Variants in CNBD1 observed in about 807,000 individuals in gnomAD.
CNBD1 encodes cyclic nucleotide binding domain containing 1.
In CNBD1, 71 loss-of-function variants were observed where a neutral mutation model predicts 54.4. That is an observed-to-expected ratio of 1.30 (90% confidence interval 1.08 to 1.59). CNBD1 has a LOEUF of 1.59. Among genes scored for constraint, CNBD1 ranks in the 40% most tolerant of loss-of-function variants. CNBD1 has a pLI of 0.00. For synonymous variants in CNBD1, 182 were observed against 170.7 expected (o/e 1.07, Z -0.51); for missense variants, 659 against 518.0 (o/e 1.27, Z -2.64).
At chr8:87,219,712 C>G (rs1041026489) in intron 5 of CNBD1, among the ~76,000 whole-genome samples, 1 of 151,950 alleles carries the variant, frequency 6.6e-6, no homozygotes, top group Non-Finnish European at 1.5e-5. Flanking sequence ...AGTTTCTAAA[C>G]TGTTCAATAT....
chr8:87,231,504 T>G (rs1248998949), intron 5 of CNBD1, among the ~76,000 whole-genome samples: 1 of 152,180 alleles, frequency 6.6e-6, no homozygotes, highest in Admixed American at 6.5e-5. Context: ...TTTCCTCAGT[T>G]GTAAAGTTGA....
intron 4 of CNBD1, among the ~76,000 whole-genome samples, chr8:86,954,919 G>A: frequency 6.6e-6 from 1 of 151,920 alleles, no homozygotes; most frequent in Non-Finnish European, 1.5e-5. Context: ...GTGCCATGTT[G>A]GTGTGCTGCA....
At chr8:87,401,788 G>C (rs1412065125) in intron 2 of CNBD1, among the ~76,000 whole-genome samples, 1 of 151,936 alleles carries the variant, frequency 6.6e-6, no homozygotes, top group East Asian at 1.9e-4. Flanking sequence ...CATAAATATT[G>C]AGTTCCTGAT....
At chr8:87,270,921 G>A (rs1449583528) in intron 6 of CNBD1, among the ~76,000 whole-genome samples, 2 of 151,604 alleles carry the variant, frequency 1.3e-5, no homozygotes. Context: ...TTTGATGGAG[G>A]ACTTTTTATT....
At chr8:87,346,458 T>A (rs1252369668) in intron 8 of CNBD1, among the ~76,000 whole-genome samples, 2 of 152,030 alleles carry the variant, frequency 1.3e-5, no homozygotes, top group African/African-American at 2.4e-5. Context: ...TGGTTATTTT[T>A]TGTAATCCAA....
chr8:86,973,148 T>A (rs1239574293), intron 4 of CNBD1, among the ~76,000 whole-genome samples: 2 of 152,172 alleles, frequency 1.3e-5, no homozygotes, highest in African/African-American at 4.8e-5. Flanking sequence ...ACTCTAGAAT[T>A]GTATTCTGAC....
rs143262270 is a variant in CNBD1, at chr8:87,333,086, A to G, written c.1043-18599A>G. 8.7e-3 allele frequency among the ~76,000 whole-genome samples: 1,328 copies of G among 152,188 alleles called. 18 individuals carry two copies. Among genetic ancestry groups the G allele is most frequent in the African/African-American group, 0.029 (1,211 of 41,540 alleles). The stretch of plus-strand genomic sequence containing the variant: ...GTAGTTCTCCTTGAAGAGGTTCTTC[A>G]TGTCCCTTGTTAGATGTATCTCTAG... On this transcript the variant is annotated intron_variant, in intron 8 of 10. Transcript: ENST00000518476.
intron 4 of CNBD1, among the ~76,000 whole-genome samples, chr8:87,062,684 G>A (rs1398452548): frequency 2.6e-5 from 4 of 151,538 alleles, no homozygotes; most frequent in Non-Finnish European, 4.4e-5. Flanking sequence ...ATTGCGGTGA[G>A]CCAAGATCAC....
chr8:87,324,243 A>G lies in CNBD1; in HGVS notation c.1043-27442A>G, dbSNP rs989140588. On this transcript the variant is annotated intron_variant, in intron 8 of 10. Transcript: ENST00000518476. ...AGGATTTTTGCATCAATGTTCATCAAGGATATTGATCTAAAATTCTCTTTT... is the reference window on the plus strand; with the variant it reads ...AGGATTTTTGCATCAATGTTCATCAGGGATATTGATCTAAAATTCTCTTTT... Among the ~76,000 whole-genome samples the G allele has an allele frequency of 3.2e-5, 4 of 126,930 alleles. 1 individual carries two copies. The highest frequency in any genetic ancestry group is 5.9e-5 in the African/African-American group (2 of 34,036). 83.3% of individuals were successfully genotyped at this position (126,930 alleles called of 152,430 possible).
intron 6 of CNBD1, among the ~76,000 whole-genome samples, chr8:87,265,286 G>C (rs887320515): frequency 3.3e-5 from 5 of 151,968 alleles, no homozygotes; most frequent in Non-Finnish European, 7.4e-5. Flanking sequence ...GTTTTTCTCA[G>C]GTTTGTCAAA....
chr8:87,180,593 A>G (rs1395858215), intron 4 of CNBD1, among the ~76,000 whole-genome samples: 1 of 152,198 alleles, frequency 6.6e-6, no homozygotes, highest in Non-Finnish European at 1.5e-5. Flanking sequence ...TATTTTTGTT[A>G]TATATTAAAG....
intron 4 of CNBD1, among the ~76,000 whole-genome samples, chr8:87,079,136 T>C (rs1041767514): frequency 1.3e-5 from 2 of 152,044 alleles, no homozygotes; most frequent in African/African-American, 4.8e-5. Flanking sequence ...CAGTGTCTAG[T>C]TTTTTTCACT....
At chr8:87,376,189 T>G (rs189080955) in intron 10 of CNBD1, among the ~76,000 whole-genome samples, 1 of 151,914 alleles carries the variant, frequency 6.6e-6, no homozygotes, top group South Asian at 2.1e-4. Flanking sequence ...GCTGGGTGGC[T>G]TAAACAACAA....
chr8:87,266,492 C>T (rs1456941031), intron 6 of CNBD1, among the ~76,000 whole-genome samples: 1 of 116,958 alleles, frequency 8.6e-6, no homozygotes, highest in Non-Finnish European at 1.7e-5. Flanking sequence ...GCTCTTGCTG[C>T]CCAGGCTGCA....
chr8:87,035,861 T>C (rs1809927939), intron 4 of CNBD1, among the ~76,000 whole-genome samples: 2 of 152,164 alleles, frequency 1.3e-5, no homozygotes, highest in Admixed American at 1.3e-4. Flanking sequence ...TGTTACCTTA[T>C]AGACCAAGTG....
intron 10 of CNBD1, among the ~76,000 whole-genome samples, chr8:87,360,098 T>C (rs1810497409): frequency 6.6e-6 from 1 of 151,998 alleles, no homozygotes; most frequent in Non-Finnish European, 1.5e-5. Context: ...TCAGTTCATC[T>C]TGAATGAATC....
At chr8:87,235,139 G>T (rs1383129870) in intron 5 of CNBD1, among the ~76,000 whole-genome samples, 1 of 152,244 alleles carries the variant, frequency 6.6e-6, no homozygotes, top group African/African-American at 2.4e-5. Context: ...ATAGGGCCTT[G>T]TTCTGGATTA....
At chr8:87,146,553 C>T (rs925730911) in intron 4 of CNBD1, among the ~76,000 whole-genome samples, 1 of 152,080 alleles carries the variant, frequency 6.6e-6, no homozygotes, top group Non-Finnish European at 1.5e-5. Flanking sequence ...AAGGCATAAA[C>T]TTGAATTCCC....
At chr8:87,260,060 T>C (rs776884885) in intron 6 of CNBD1, among the ~76,000 whole-genome samples, 4 of 152,116 alleles carry the variant, frequency 2.6e-5, no homozygotes, top group Admixed American at 1.3e-4. Flanking sequence ...GAATCAAACC[T>C]CGACTGCCAC....
Sources: allele counts gnomAD v4.1 joint callset (sites outside exome capture counted in the v4.1 genomes callset), GRCh38; gene constraint gnomAD v4.1.1; transcripts MANE v1.5; gene names NCBI Gene and HGNC (gene_info 2026-07-23, HGNC 2026-07-21).